CDKAL1: variants seen among roughly 807,000 people sequenced by gnomAD.
CDKAL1 encodes threonylcarbamoyladenosine tRNA methylthiotransferase.
Under a neutral mutation model 68.2 loss-of-function variants are expected in CDKAL1, and 32 were observed. The ratio of observed to expected loss-of-function variants is 0.47; its 90% CI spans 0.35 to 0.63. The LOEUF (loss-of-function observed/expected upper bound fraction) is 0.63, where lower values mean the gene tolerates loss of function less well. Among genes scored for constraint, CDKAL1 ranks in the 30% least tolerant of loss-of-function variants. The pLI is 0.00. For synonymous variants in CDKAL1, 234 were observed against 244.3 expected (o/e 0.96, Z 0.39); for missense variants, 606 against 696.7 (o/e 0.87, Z 1.47).
chr6:20,626,247 G>A (rs1202639367), intron 4 of CDKAL1, among the ~76,000 whole-genome samples: 2 of 152,006 alleles, frequency 1.3e-5, no homozygotes, highest in African/African-American at 2.4e-5. Context: ...ATTGGTGTTA[G>A]GAGACATCAT....
At chr6:21,184,475 C>A (rs1205846671) in intron 13 of CDKAL1, among the ~76,000 whole-genome samples, 1 of 151,886 alleles carries the variant, frequency 6.6e-6, no homozygotes, top group Non-Finnish European at 1.5e-5. Flanking sequence ...GGATTACAGG[C>A]GTGAGCCACC....
chr6:21,212,182 G>A (rs867801109), intron 15 of CDKAL1, among the ~76,000 whole-genome samples: 1 of 152,186 alleles, frequency 6.6e-6, no homozygotes. Flanking sequence ...CCCCAGTGCA[G>A]TGCCTGTTTC....
At chr6:20,938,376 A>C (rs1370290130) in intron 9 of CDKAL1, among the ~76,000 whole-genome samples, 2 of 152,180 alleles carry the variant, frequency 1.3e-5, no homozygotes, top group Non-Finnish European at 2.9e-5. Flanking sequence ...TTGGGAGAAC[A>C]GAGTTTTGAA....
chr6:20,845,214 C>T (rs1033605502), intron 8 of CDKAL1, among the ~76,000 whole-genome samples: 8 of 152,226 alleles, frequency 5.3e-5, no homozygotes, highest in Admixed American at 5.2e-4. Context: ...AGCCTTGCTA[C>T]TCATTATAGC....
chr6:20,707,085 G>C lies in CDKAL1; in HGVS notation c.372-32434G>C, dbSNP rs1328850253. Among the ~76,000 whole-genome samples the C allele has an allele frequency of 3.9e-5, 6 of 152,152 alleles. No homozygotes were observed. In the South Asian group the frequency reaches 1.2e-3, roughly 32 times the overall value. ...TTTGTCTGTCATTAAAAACAATTTT[G>C]TCTTAATTTTGAAAATTGGATATGA... is the stretch of plus-strand genomic sequence containing the variant. On this transcript the variant is annotated intron_variant, in intron 5 of 15. Coordinates refer to ENST00000274695, the MANE Select transcript of CDKAL1 (RefSeq NM_017774.3).
chr6:20,948,173 T>C (rs1245796213), intron 9 of CDKAL1, among the ~76,000 whole-genome samples: 1 of 152,024 alleles, frequency 6.6e-6, no homozygotes, highest in Non-Finnish European at 1.5e-5. Flanking sequence ...CACACTACCA[T>C]GCCCAACTAA....
intron 4 of CDKAL1, among the ~76,000 whole-genome samples, chr6:20,600,225 G>A (rs1766022602): frequency 6.6e-6 from 1 of 151,970 alleles, no homozygotes; most frequent in Admixed American, 6.6e-5. Context: ...ATGTGGAGTT[G>A]GCAATTCTTT....
intron 13 of CDKAL1, among the ~76,000 whole-genome samples, chr6:21,131,364 G>A (rs1288192327): frequency 6.6e-6 from 1 of 152,134 alleles, no homozygotes; most frequent in Non-Finnish European, 1.5e-5. Flanking sequence ...GCCTTTCAGG[G>A]TGTTTGTCTC....
intron 8 of CDKAL1, among the ~76,000 whole-genome samples, chr6:20,784,408 A>ATGTCTTT (rs1775569994): frequency 4.3e-5 from 1 of 23,010 alleles, no homozygotes; most frequent in Admixed American, 5.5e-4. Flanking sequence ...CAGATATTTT[A>ATGTCTTT]TTTCTTTTTT....
intron 15 of CDKAL1, among the ~76,000 whole-genome samples, chr6:21,224,716 T>C (rs1403660193): frequency 2.0e-5 from 3 of 152,118 alleles, no homozygotes; most frequent in Non-Finnish European, 4.4e-5. Flanking sequence ...CCTCCAGAAT[T>C]GAAAGAGAAT....
chr6:20,830,810 G>A (rs775744095), intron 8 of CDKAL1, among the ~76,000 whole-genome samples: 11 of 152,144 alleles, frequency 7.2e-5, no homozygotes, highest in East Asian at 1.9e-4. Flanking sequence ...GTATTAAACC[G>A]CATTTCAGAA....
At chr6:21,017,650 T>G (rs1768418537) in intron 11 of CDKAL1, among the ~76,000 whole-genome samples, 1 of 152,184 alleles carries the variant, frequency 6.6e-6, no homozygotes, top group East Asian at 1.9e-4. Flanking sequence ...ATTGCCTTCC[T>G]AGCTCTGGAT....
At chr6:20,899,951 C>T (rs1761882827) in intron 9 of CDKAL1, among the ~76,000 whole-genome samples, 1 of 152,134 alleles carries the variant, frequency 6.6e-6, no homozygotes, top group Non-Finnish European at 1.5e-5. Flanking sequence ...GCGATCTGAC[C>T]AAGGTGACAT....
rs1581823657 is a variant in CDKAL1 at position 20,613,718 on chromosome 6, G to A, written c.287-35575G>A. Among the ~76,000 whole-genome samples the A allele has an allele frequency of 2.0e-5, 3 of 150,280 alleles. No individual in the cohort carries two copies. The South Asian group carries it at 6.3e-4, about 32-fold the overall frequency. The stretch of plus-strand genomic sequence containing the variant: ...TCCTTTTATTCTAGACATTTTTGTT[G>A]TTTCTTTTCTTGGCTTTTGCTAATA... On this transcript the variant is annotated intron_variant, in intron 4 of 15. Coordinates refer to ENST00000274695, the MANE Select transcript of CDKAL1 (RefSeq NM_017774.3).
chr6:20,849,603 A>G (rs1016605324), intron 9 of CDKAL1, among the ~76,000 whole-genome samples: 2 of 141,298 alleles, frequency 1.4e-5, no homozygotes, highest in Non-Finnish European at 3.1e-5. Context: ...AAAAAAAAAC[A>G]TTATGAAGAA....
chr6:20,805,196 G>C (rs1488230958), intron 8 of CDKAL1, among the ~76,000 whole-genome samples: 1 of 152,180 alleles, frequency 6.6e-6, no homozygotes, highest in Non-Finnish European at 1.5e-5. Context: ...GATTCCTCCA[G>C]ATTTTACCTG....
At chr6:20,582,226 G>T (rs1285396940) in intron 4 of CDKAL1, among the ~76,000 whole-genome samples, 4 of 152,006 alleles carry the variant, frequency 2.6e-5, no homozygotes, top group East Asian at 1.9e-4. Context: ...AAATAGAAAA[G>T]ATTTGATTCT....
chr6:21,173,323 C>T (rs560694142), intron 13 of CDKAL1, among the ~76,000 whole-genome samples: 1 of 152,042 alleles, frequency 6.6e-6, no homozygotes, highest in African/African-American at 2.4e-5. Flanking sequence ...TTTAATTCTT[C>T]CATGCGTAAT....
intron 13 of CDKAL1, among the ~76,000 whole-genome samples, chr6:21,169,992 A>G (rs1031018283): frequency 4.9e-5 from 7 of 144,220 alleles, no homozygotes; most frequent in African/African-American, 1.8e-4. Flanking sequence ...TATGGGAGCT[A>G]CAATTCAAAA....
Sources: gnomAD v4.1 joint callset for allele counts (sites outside exome capture counted in the v4.1 genomes callset) on GRCh38, gnomAD v4.1.1 for gene constraint, MANE v1.5 for transcripts, NCBI Gene and HGNC (gene_info 2026-07-23, HGNC 2026-07-21) for gene names.